The following CAMSAP1 variants were observed in gnomAD, a reference collection of about 807,000 sequenced individuals.
CAMSAP1 encodes calmodulin-regulated spectrin-associated protein 1.
A neutral mutation model predicts 143.5 loss-of-function variants in CAMSAP1; 58 were observed. That is an observed-to-expected ratio of 0.40 (90% CI 0.33 to 0.50). CAMSAP1 has a LOEUF of 0.50. Among genes scored for constraint, CAMSAP1 ranks in the 20% least tolerant of loss-of-function variants. The pLI is 0.45. For synonymous variants in CAMSAP1, 945 were observed against 859.3 expected (o/e 1.10, Z -1.74); for missense variants, 1,969 against 2,115.7 (o/e 0.93, Z 1.36).
intron 7 of CAMSAP1, among the ~76,000 whole-genome samples, chr9:135,842,114 G>C (rs907549197): frequency 5.3e-5 from 8 of 152,138 alleles, no homozygotes; most frequent in African/African-American, 1.9e-4. Context: ...AAAGGTTAGA[G>C]GAATTGCTAA....
chr9:135,854,367 CTATTT>C (rs1938520212), intron 5 of CAMSAP1, among the ~76,000 whole-genome samples: 1 of 150,614 alleles, frequency 6.6e-6, no homozygotes, highest in African/African-American at 2.4e-5. Flanking sequence ...TCCAGATTAT[CTATTT>C]TATTAATTCT....
Position 135,821,829 on chromosome 9 carries a change from C to T in CAMSAP1, c.2832G>A (p.Gly944=). ...HFAKEYSQHN[G]EDCGDAVSKT... is the part of the protein sequence containing the mutation. ...TGGAAACAGCGTCCCCACAGTCCTC[C>T]CCGTTGTGCTGAGAGTACTCCTTTG... The change falls in exon 11 of 17, where the codon GGG becomes GGA. Residue 944 remains glycine (G), a synonymous_variant. Coordinates refer to ENST00000389532, the MANE Select transcript of CAMSAP1 (RefSeq NM_015447.4). This position sits in a 1 kb window ranked among gnomAD's most constrained non-coding sequence, Gnocchi z 4.6. 1 of 1,614,040 alleles carries T rather than the reference C, an allele frequency of 6.2e-7. No individual in the cohort carries two copies. The highest frequency in any genetic ancestry group is 8.5e-7 in the Non-Finnish European group (1 of 1,179,904).
Position 135,881,681 on chromosome 9 carries a change from T to C in CAMSAP1, c.537A>G (p.Lys179=), listed in dbSNP as rs1216190427. ...VKRFSTFSAS[K]ELPYDLEDAM... ...CATCCTCGAGGTCGTACGGAAGTTC[T>C]TTCGAGGCACTGAACGTTGAGAAGC... Residue 179 remains lysine (K), a synonymous_variant, in exon 3 of 17, where the codon AAA becomes AAG. Transcript: ENST00000389532. 7.1e-6 allele frequency: 11 copies of C among 1,551,660 alleles called. No individual in the cohort carries two copies. In the Admixed American group the frequency reaches 1.4e-4, roughly 19 times the overall value.
chr9:135,890,436 C>A (rs915835960), intron 1 of CAMSAP1, among the ~76,000 whole-genome samples: 1 of 152,136 alleles, frequency 6.6e-6, no homozygotes, highest in Non-Finnish European at 1.5e-5. Context: ...GCGGTTTCCC[C>A]CTGAGGGCGC....
intron 10 of CAMSAP1, 87 bp downstream of exon 10, chr9:135,823,863 C>A (rs2131667005): frequency 9.8e-7 from 1 of 1,020,970 alleles, no homozygotes; most frequent in South Asian, 1.4e-5. Flanking sequence ...TCTCGGTGAT[C>A]CTCAGGGGGT....
chr9:135,856,448 A>G (rs1408543354), intron 5 of CAMSAP1, among the ~76,000 whole-genome samples: 1 of 152,236 alleles, frequency 6.6e-6, no homozygotes, highest in Non-Finnish European at 1.5e-5. Flanking sequence ...TTATGGGAGT[A>G]CAATTCAAGA....
chr9:135,834,046 G>C (rs532680820), intron 7 of CAMSAP1, among the ~76,000 whole-genome samples: 1 of 152,288 alleles, frequency 6.6e-6, no homozygotes, highest in South Asian at 2.1e-4. Context: ...TGGCCAACAG[G>C]TATGTGAAGA....
chr9:135,856,540 C>G (rs572951365), intron 5 of CAMSAP1, among the ~76,000 whole-genome samples: 14 of 152,306 alleles, frequency 9.2e-5, no homozygotes, highest in Non-Finnish European at 1.9e-4. Flanking sequence ...TAAGAGAACA[C>G]GCAGCCCCAT....
rs117938832 is a variant in CAMSAP1 at position 135,828,372 on chromosome 9, G to A, written c.1046-788C>T. Reference sequence around the variant, plus strand: ...AGGGAAGTAAGGACGAGCGGGTGGCGGCTGCACTGAGCTCTGCAGACGGTC... The same window carrying A: ...AGGGAAGTAAGGACGAGCGGGTGGCAGCTGCACTGAGCTCTGCAGACGGTC... On this transcript the variant is annotated intron_variant, in intron 7 of 16. Coordinates refer to ENST00000389532, the MANE Select transcript of CAMSAP1 (RefSeq NM_015447.4). Among the ~76,000 whole-genome samples, 48 of 152,328 alleles carry A rather than the reference G, an allele frequency of 3.2e-4. 1 individual carries two copies. The East Asian group carries it at 8.7e-3, about 28-fold the overall frequency.
chr9:135,836,567 A>G (rs1235041098), intron 7 of CAMSAP1: 3 of 981,118 alleles, frequency 3.1e-6, no homozygotes, highest in African/African-American at 3.6e-5. Context: ...CTACAGACAC[A>G]CATCACCACA....
intron 7 of CAMSAP1, among the ~76,000 whole-genome samples, chr9:135,846,161 T>C (rs1032856386): frequency 6.7e-6 from 1 of 148,174 alleles, no homozygotes; most frequent in African/African-American, 2.5e-5. Context: ...CAAAACAGCA[T>C]GGTACTGGTA....
At chr9:135,857,584 C>A (rs1262796089) in intron 5 of CAMSAP1, among the ~76,000 whole-genome samples, 2 of 152,232 alleles carry the variant, frequency 1.3e-5, no homozygotes, top group Non-Finnish European at 2.9e-5. Flanking sequence ...CTAACATTTT[C>A]TCCTGCTCAC....
intron 7 of CAMSAP1, among the ~76,000 whole-genome samples, chr9:135,832,403 G>C (rs1184724367): frequency 1.3e-5 from 2 of 152,254 alleles, no homozygotes; most frequent in East Asian, 3.9e-4. Flanking sequence ...AACAGGTATA[G>C]AAGGAGCTTA....
rs1364093302 is a variant in CAMSAP1 at position 135,883,043 on chromosome 9, C to T, written c.196G>A (p.Val66Ile). The change falls in exon 2 of 17, where the codon GTT (valine) becomes ATT (isoleucine). Residue 66 changes from valine (V) to isoleucine (I), a missense_variant. This residue lies in a region of CAMSAP1 where 215 missense variants were observed against 196.2 expected (regional missense o/e 1.10). Coordinates refer to ENST00000389532, the MANE Select transcript of CAMSAP1 (RefSeq NM_015447.4). ...ATGTGCTCCTGCTCATACTGGTCAACGTAGAAAGGGTCTCTGAGGTCCTCA... is the reference window on the plus strand; with the variant it reads ...ATGTGCTCCTGCTCATACTGGTCAATGTAGAAAGGGTCTCTGAGGTCCTCA... The part of the protein sequence containing the change: ...IPEDLRDPFY[V>I]DQYEQEHIKP... The T allele has an allele frequency of 2.4e-5, 38 of 1,551,492 alleles. No individual in the cohort carries two copies. The highest frequency in any genetic ancestry group is 1.5e-4 in the East Asian group (6 of 40,912).
chr9:135,848,769 T>G (rs1297567105), intron 7 of CAMSAP1, among the ~76,000 whole-genome samples: 2 of 152,266 alleles, frequency 1.3e-5, no homozygotes, highest in African/African-American at 4.8e-5. Context: ...TTAGCTGTTA[T>G]GAGCAGAGCT....
At chr9:135,899,474 G>A (rs1838555085) in intron 1 of CAMSAP1, among the ~76,000 whole-genome samples, 2 of 151,426 alleles carry the variant, frequency 1.3e-5, no homozygotes, top group South Asian at 2.1e-4. Context: ...CTTACAATGG[G>A]CATTAACCAT....
At chr9:135,906,956 GCCCGCGCCCCTGGCCCCCGC>G (rs1288163971) in intron 1 of CAMSAP1, 24 bp downstream of exon 1, 56 of 998,362 alleles carry the variant, frequency 5.6e-5, no homozygotes, top group South Asian at 4.1e-4. Context: ...CCCGGCCCCG[GCCCGCGCCCCTGGCCCCCGC>G]CCCGCGCCCC....
At chr9:135,877,309 A>G (rs748480702) in intron 3 of CAMSAP1, among the ~76,000 whole-genome samples, 2 of 152,178 alleles carry the variant, frequency 1.3e-5, no homozygotes, top group Non-Finnish European at 2.9e-5. Flanking sequence ...TCCACCGTGA[A>G]GATGGCAGAT....
intron 5 of CAMSAP1, among the ~76,000 whole-genome samples, chr9:135,861,357 G>C (rs943098864): frequency 4.9e-4 from 73 of 149,882 alleles, no homozygotes; most frequent in Non-Finnish European, 8.9e-4. Context: ...CTGTTGCCCA[G>C]GCTGGAATTC....
Sources: allele counts gnomAD v4.1 joint callset (sites outside exome capture counted in the v4.1 genomes callset), GRCh38; gene constraint gnomAD v4.1.1; regional missense constraint gnomAD v4.1.1; non-coding constraint Gnocchi (gnomAD v3.1); transcripts MANE v1.5; gene names NCBI Gene and HGNC (gene_info 2026-07-23, HGNC 2026-07-21).